Variants in ZMYM2 observed in about 807,000 individuals in gnomAD.
The protein encoded by ZMYM2 is zinc finger MYM-type containing 2.
In ZMYM2, 56 loss-of-function variants were observed where a neutral mutation model predicts 162.8. The ratio of observed to expected loss-of-function variants is 0.34; its 90% CI spans 0.28 to 0.43. The LOEUF (loss-of-function observed/expected upper bound fraction) is 0.43, where lower values mean the gene tolerates loss of function less well. Among genes scored for constraint, ZMYM2 ranks in the 20% least tolerant of loss-of-function variants. ZMYM2 has a pLI of 1.00. For synonymous variants in ZMYM2, 510 were observed against 541.6 expected, an observed-to-expected ratio of 0.94 and a Z score of 0.81; for missense variants, 1,275 against 1,621.8, an observed-to-expected ratio of 0.79 and a Z score of 3.67.
At position 20,051,611 on chromosome 13, in the gene ZMYM2, T is replaced by G. The variant is rs751244959; in HGVS notation, c.2458+13T>G. 1.9e-6 allele frequency: 3 copies of G among 1,603,430 alleles called. No individual in the cohort carries two copies. The South Asian group carries it at 3.3e-5, about 18-fold the overall frequency. On this transcript the variant is annotated intron_variant, in intron 13 of 24. Transcript: ENST00000610343. ...AACTTACATTATGGTATGTAATGAT[T>G]TAGGTGATAACTTGAAAACCCTGTA...
the ZMYM2 span, among the ~76,000 whole-genome samples, chr13:19,930,399 C>T: frequency 6.6e-6 from 1 of 151,748 alleles, no homozygotes. Context: ...AGACTCCATC[C>T]TCCATCTCAA....
At chr13:20,019,763 T>A in intron 7 of ZMYM2, 145 bp downstream of exon 7, 1 of 697,574 alleles carries the variant, frequency 1.4e-6, no homozygotes, top group Non-Finnish European at 2.4e-6. Flanking sequence ...ATGAATGTTT[T>A]ATCTCTGAGA....
chr13:19,915,201 T>G, the ZMYM2 span, among the ~76,000 whole-genome samples: 1 of 152,236 alleles, frequency 6.6e-6, no homozygotes, highest in East Asian at 1.9e-4. Flanking sequence ...CCTCAGGTGG[T>G]CCACCTGCCT....
intron 21 of ZMYM2, among the ~76,000 whole-genome samples, chr13:20,075,669 CCTTTTTTTTTTTTT>C (rs1342384470): frequency 2.7e-5 from 3 of 109,326 alleles, no homozygotes; most frequent in Non-Finnish European, 5.0e-5. Flanking sequence ...ACTATAGACA[CCTTTTTTTTTTTTT>C]TTTTTTTTTT....
upstream of ZMYM2, among the ~76,000 whole-genome samples, chr13:19,957,521 GA>G (rs1163415736): frequency 6.6e-6 from 1 of 151,188 alleles, no homozygotes; most frequent in Non-Finnish European, 1.5e-5. Context: ...CAAAAGAGAA[GA>G]CCCCTCGTGG....
chr13:19,919,121 T>G, the ZMYM2 span, among the ~76,000 whole-genome samples: 2 of 151,820 alleles, frequency 1.3e-5, 1 homozygote, highest in African/African-American at 4.8e-5. Flanking sequence ...GTCTGTAACC[T>G]TTTGAGACTG....
rs1041984458 is a variant in ZMYM2 at position 20,027,445 on chromosome 13, G to A, written c.1851+127G>A. 17 of 666,852 alleles carry A rather than the reference G, an allele frequency of 2.5e-5. 1 individual carries two copies. In the Admixed American group the frequency reaches 4.5e-4, roughly 18 times the overall value. 41.3% of individuals were successfully genotyped at this position (666,852 alleles called of 1,614,324 possible). On this transcript the variant is annotated intron_variant, in intron 9 of 24. Transcript: ENST00000610343. ...CTTGTTGAGGGTCAAATTGGAAGGT[G>A]GATATCCTAGTCACAGAATATGTGG...
In ZMYM2 at chr13:19,993,906, T is replaced by C. The variant is rs1489034888; in HGVS notation, c.834T>C (p.Thr278=). 3.1e-6 allele frequency: 5 copies of C among 1,611,540 alleles called. No individual in the cohort carries two copies. Among genetic ancestry groups the C allele is most frequent in the Non-Finnish European group, 4.2e-6 (5 of 1,179,006 alleles). ...GDVFQNGESA[T]HHNPDSWISQ... is the part of the protein sequence containing the mutation. ...TTTTTCAGAATGGAGAATCTGCAAC[T>C]CATCATAATCCTGGTAAGCAGTAAG... Residue 278 remains threonine (T), a synonymous_variant, in exon 3 of 25, where the codon ACT becomes ACC. Coordinates refer to ENST00000610343, the MANE Select transcript of ZMYM2 (RefSeq NM_197968.4).
the ZMYM2 span, among the ~76,000 whole-genome samples, chr13:19,920,465 T>G: frequency 6.7e-6 from 1 of 150,130 alleles, no homozygotes; most frequent in Non-Finnish European, 1.5e-5. Flanking sequence ...TTTGTATCAC[T>G]CAATTCAGAG....
chr13:20,059,315 A>G, intron 15 of ZMYM2, 132 bp from the exon 16 acceptor site: 1 of 869,076 alleles, frequency 1.2e-6, no homozygotes, highest in East Asian at 3.2e-5. Context: ...TACCTAACTT[A>G]AAAAAACTGG....
At chr13:20,038,032 G>GAAAACATGCAGTAT (rs1324147474) in intron 12 of ZMYM2, among the ~76,000 whole-genome samples, 1 of 152,120 alleles carries the variant, frequency 6.6e-6, no homozygotes, top group Non-Finnish European at 1.5e-5. Flanking sequence ...ACATATAAGT[G>GAAAACATGCAGTAT]AAAACATGCA....
chr13:20,025,812 T>C (rs1480071919), intron 7 of ZMYM2: 1 of 152,308 alleles, frequency 6.6e-6, no homozygotes, highest in African/African-American at 2.4e-5. Context: ...CTGTACAGCA[T>C]GTTACTGTAA....
chr13:19,882,926 A>G, the ZMYM2 span, among the ~76,000 whole-genome samples: 1 of 152,186 alleles, frequency 6.6e-6, no homozygotes, highest in Non-Finnish European at 1.5e-5. Flanking sequence ...AATTGAAAAC[A>G]GATGTTCAAA....
chr13:20,062,663 G>C (rs1400318484), intron 17 of ZMYM2, among the ~76,000 whole-genome samples, 183 bp from the exon 18 acceptor site: 7 of 152,144 alleles, frequency 4.6e-5, no homozygotes, highest in Non-Finnish European at 8.8e-5. Flanking sequence ...GACTAATTAT[G>C]AGGTTTATAG....
intron 2 of ZMYM2, among the ~76,000 whole-genome samples, chr13:19,987,043 T>G (rs961954789): frequency 2.9e-5 from 4 of 137,358 alleles, no homozygotes; most frequent in African/African-American, 5.4e-5. Context: ...AGGTGGAGGT[T>G]GCAGTGAGCT....
the ZMYM2 span, among the ~76,000 whole-genome samples, chr13:19,902,842 C>G: frequency 9.9e-5 from 15 of 151,684 alleles, no homozygotes; most frequent in Non-Finnish European, 1.8e-4. Flanking sequence ...AGGGAGACAT[C>G]GTCTCTACAG....
At position 19,971,226 on chromosome 13, in the gene ZMYM2, A is replaced by G. The variant is rs868567060; in HGVS notation, c.-11+11200A>G. 4.4e-5 allele frequency among the ~76,000 whole-genome samples: 3 copies of G among 68,962 alleles called. No individual in the cohort carries two copies. In the South Asian group the frequency reaches 1.4e-3, roughly 33 times the overall value. 45.2% of individuals were successfully genotyped at this position (68,962 alleles called of 152,430 possible). A position where few individuals can be genotyped will look rare whatever the true frequency, so the allele number is the denominator to read the frequency against. On this transcript the variant is annotated intron_variant, in intron 2 of 24. Coordinates refer to ENST00000610343, the MANE Select transcript of ZMYM2 (RefSeq NM_197968.4). ...GTCTGATTTCATTTTTAGTTTATAT[A>G]TATGTGTGTGTGTGTGTGTATATAT... is the stretch of plus-strand genomic sequence containing the variant.
At chr13:20,063,434 A>G (rs999972737) in intron 18 of ZMYM2, among the ~76,000 whole-genome samples, 4 of 150,934 alleles carry the variant, frequency 2.7e-5, no homozygotes, top group African/African-American at 9.7e-5. Flanking sequence ...AAATTCTAGA[A>G]GTAATTCATT....
chr13:20,076,635 CTT>C (rs57874192), intron 21 of ZMYM2, among the ~76,000 whole-genome samples: 25,737 of 149,676 alleles, frequency 0.17, 3,350 homozygotes, highest in East Asian at 0.59. Flanking sequence ...CATGTTAAGT[CTT>C]TTATATGGAG....
Sources: allele counts gnomAD v4.1 joint callset (sites outside exome capture counted in the v4.1 genomes callset), GRCh38; gene constraint gnomAD v4.1.1; transcripts MANE v1.5; gene names NCBI Gene and HGNC (gene_info 2026-07-23, HGNC 2026-07-21).